Variants in NHLRC2 observed in about 807,000 individuals in gnomAD.
NHLRC2 encodes NHL repeat-containing protein 2.
A neutral mutation model predicts 68.1 loss-of-function variants in NHLRC2; 33 were observed. The ratio of observed to expected loss-of-function variants is 0.48; its 90% CI spans 0.37 to 0.65. NHLRC2 has a LOEUF of 0.65. NHLRC2 is among the 30% of genes least tolerant of loss of function. NHLRC2 has a pLI of 0.00. For missense variants in NHLRC2, 761 were observed against 853.8 expected, an observed-to-expected ratio of 0.89 and a Z score of 1.35; for synonymous variants, 311 against 309.6, an observed-to-expected ratio of 1.00 and a Z score of -0.05.
rs1207521892 is a variant in NHLRC2, at chr10:113,915,158, T to A, written c.*6622T>A. ...TGGTTGTATTGGTGTGTCCCTCTTC[T>A]TCACTGGCATGTCGCTTTCAAGTGT... On this transcript the variant is annotated 3_prime_UTR_variant, in exon 11 of 11. Coordinates refer to ENST00000369301, the MANE Select transcript of NHLRC2 (RefSeq NM_198514.4). 2.2e-6 allele frequency: 1 copy of A among 456,340 alleles called. No homozygotes were observed. Among genetic ancestry groups the A allele is most frequent in the South Asian group, 1.5e-5 (1 of 64,574 alleles). 28.3% of individuals were successfully genotyped at this position (456,340 alleles called of 1,614,324 possible). A position where few individuals can be genotyped will look rare whatever the true frequency, so the allele number is the denominator to read the frequency against.
chr10:113,871,934 G>A (rs1845929646), intron 2 of NHLRC2, among the ~76,000 whole-genome samples: 2 of 152,176 alleles, frequency 1.3e-5, no homozygotes, highest in Admixed American at 6.5e-5. Context: ...TAAGTCTGTG[G>A]ATGCCAAGAA....
intron 5 of NHLRC2, among the ~76,000 whole-genome samples, chr10:113,896,465 A>G (rs1846178612): frequency 2.1e-5 from 3 of 139,610 alleles, no homozygotes; most frequent in African/African-American, 8.1e-5. Flanking sequence ...GAATTGAACA[A>G]TGAGAACACA....
chr10:113,858,991 G>A (rs1370409037), intron 2 of NHLRC2: 1 of 202,182 alleles, frequency 4.9e-6, no homozygotes, highest in Non-Finnish European at 9.8e-6. Flanking sequence ...ACTTAAATTT[G>A]TTCTATTAAA....
At position 113,916,747 on chromosome 10, in the gene NHLRC2, A is replaced by G. The variant is rs945715881; in HGVS notation, c.*8211A>G. Reference sequence around the variant, plus strand: ...GATAAAGTTTATGGTTTCATTTCTGAGAATAGAGTTGGTCTGCTGTGCTAA... The same window carrying G: ...GATAAAGTTTATGGTTTCATTTCTGGGAATAGAGTTGGTCTGCTGTGCTAA... On this transcript the variant is annotated 3_prime_UTR_variant, in exon 11 of 11. Coordinates refer to ENST00000369301, the MANE Select transcript of NHLRC2 (RefSeq NM_198514.4). 2 of 152,176 alleles carry G rather than the reference A, an allele frequency of 1.3e-5. No homozygotes were observed. The highest frequency in any genetic ancestry group is 1.5e-5 in the Non-Finnish European group (1 of 68,012). The allele number at this position is 152,176 out of a possible 1,614,324, so 9.4% of individuals were successfully genotyped here. A position where few individuals can be genotyped will look rare whatever the true frequency, so the allele number is the denominator to read the frequency against.
rs1845722207 is a variant in NHLRC2, at chr10:113,854,673, T to G, written c.-200T>G. Reference sequence around the variant, plus strand: ...TGGGTCGGACGGCAGTTTAATTACGTCCCCGGGAACTGCGCCGATTTGGAC... The same window carrying G: ...TGGGTCGGACGGCAGTTTAATTACGGCCCCGGGAACTGCGCCGATTTGGAC... On this transcript the variant is annotated 5_prime_UTR_variant, in exon 1 of 11. Coordinates refer to ENST00000369301, the MANE Select transcript of NHLRC2 (RefSeq NM_198514.4). 3.6e-6 allele frequency: 2 copies of G among 551,002 alleles called. No homozygotes were observed. Among genetic ancestry groups the G allele is most frequent in the East Asian group, 6.1e-5 (2 of 32,778 alleles). 34.1% of individuals were successfully genotyped at this position (551,002 alleles called of 1,614,324 possible).
chr10:113,869,949 C>G (rs1284088677), intron 2 of NHLRC2, among the ~76,000 whole-genome samples: 1 of 152,012 alleles, frequency 6.6e-6, no homozygotes, highest in Middle Eastern at 3.2e-3. Context: ...CAAAATATTT[C>G]CATATGTATC....
intron 2 of NHLRC2, among the ~76,000 whole-genome samples, chr10:113,864,129 T>TA (rs1845841496): frequency 6.6e-6 from 1 of 152,210 alleles, no homozygotes; most frequent in Non-Finnish European, 1.5e-5. Flanking sequence ...TTATGCCACT[T>TA]ACAAAAATTC....
intron 5 of NHLRC2, among the ~76,000 whole-genome samples, chr10:113,886,231 A>G (rs1846081548): frequency 6.6e-6 from 1 of 152,168 alleles, no homozygotes. Flanking sequence ...TGATGAAATA[A>G]TTTGAAGAAG....
intron 1 of NHLRC2, among the ~76,000 whole-genome samples, chr10:113,855,696 A>G (rs1249622430): frequency 6.6e-6 from 1 of 151,990 alleles, no homozygotes; most frequent in Non-Finnish European, 1.5e-5. Context: ...ACGGCGTTTC[A>G]CTATGTTGGC....
chr10:113,871,674 A>G (rs1845927146), intron 2 of NHLRC2, among the ~76,000 whole-genome samples: 1 of 152,196 alleles, frequency 6.6e-6, no homozygotes, highest in South Asian at 2.1e-4. Flanking sequence ...AAGTAATTAT[A>G]TGTCAATAAA....
rs1250284597 is a variant in NHLRC2 at position 113,879,506 on chromosome 10, G to A, written c.788-68G>A. The A allele has an allele frequency of 5.2e-6, 7 of 1,335,548 alleles. No homozygotes were observed. The African/African-American group carries it at 9.1e-5, about 17-fold the overall frequency. 82.7% of individuals were successfully genotyped at this position (1,335,548 alleles called of 1,614,324 possible). A position where few individuals can be genotyped will look rare whatever the true frequency, so the allele number is the denominator to read the frequency against. On this transcript the variant is annotated intron_variant, in intron 3 of 10. Coordinates refer to ENST00000369301, the MANE Select transcript of NHLRC2 (RefSeq NM_198514.4). ...ATTAAAATCCCAGCATTAAATACAA[G>A]TTTGTTTTGTTTTGTTTTGTTTTAC... is the stretch of plus-strand genomic sequence containing the variant.
intron 1 of NHLRC2, among the ~76,000 whole-genome samples, chr10:113,856,443 G>A (rs1242600105): frequency 6.6e-6 from 1 of 151,680 alleles, no homozygotes; most frequent in Admixed American, 6.6e-5. Flanking sequence ...GAAATATTGT[G>A]GAATTCTTAC....
intron 5 of NHLRC2, among the ~76,000 whole-genome samples, chr10:113,895,118 A>G (rs962391886): frequency 2.0e-5 from 3 of 152,254 alleles, no homozygotes; most frequent in African/African-American, 7.2e-5. Context: ...ATTGTTTGAG[A>G]GGATAATAGT....
At chr10:113,892,068 A>C (rs2134725488) in intron 5 of NHLRC2, among the ~76,000 whole-genome samples, 1 of 152,290 alleles carries the variant, frequency 6.6e-6, no homozygotes, top group Non-Finnish European at 1.5e-5. Flanking sequence ...TAGTGGCTTA[A>C]GACTTTGATT....
intron 1 of NHLRC2, among the ~76,000 whole-genome samples, chr10:113,857,962 C>T (rs745542456): frequency 6.6e-6 from 1 of 150,600 alleles, no homozygotes; most frequent in Non-Finnish European, 1.5e-5. Flanking sequence ...TCTTACTATT[C>T]TTAAGCTTGA....
intron 9 of NHLRC2, 67 bp downstream of exon 9, chr10:113,903,803 C>A: frequency 1.1e-6 from 1 of 915,620 alleles, no homozygotes; most frequent in Non-Finnish European, 1.8e-6. Flanking sequence ...CCTCACAGCA[C>A]TGACAGAGGC....
At chr10:113,862,400 C>CA (rs536515196) in intron 2 of NHLRC2, among the ~76,000 whole-genome samples, 13 of 93,964 alleles carry the variant, frequency 1.4e-4, no homozygotes, top group African/African-American at 2.8e-4. Context: ...CTGGTTACCA[C>CA]AAAAAAAAAG....
chr10:113,857,826 T>A (rs2134684189), intron 1 of NHLRC2, among the ~76,000 whole-genome samples: 1 of 152,286 alleles, frequency 6.6e-6, no homozygotes, highest in East Asian at 1.9e-4. Context: ...TAGCATATTT[T>A]ATTTTGTATT....
rs1846353455 is a variant in NHLRC2 at position 113,913,970 on chromosome 10, C to T, written c.*5434C>T. ...TCAAGTGATCCTCCTGCCTCAGCCT[C>T]CCAAGTAGCTGGCGCTCACCACTAC... On this transcript the variant is annotated 3_prime_UTR_variant, in exon 11 of 11. Coordinates refer to ENST00000369301, the MANE Select transcript of NHLRC2 (RefSeq NM_198514.4). The T allele has an allele frequency of 6.6e-6, 1 of 151,314 alleles. No homozygotes were observed. The highest frequency in any genetic ancestry group is 2.1e-4 in the South Asian group (1 of 4,788). 9.4% of individuals were successfully genotyped at this position (151,314 alleles called of 1,614,324 possible).
Sources: allele counts gnomAD v4.1 joint callset (sites outside exome capture counted in the v4.1 genomes callset), GRCh38; gene constraint gnomAD v4.1.1; transcripts MANE v1.5; gene names NCBI Gene and HGNC (gene_info 2026-07-23, HGNC 2026-07-21).